Variants in CPA1 observed in about 807,000 individuals in gnomAD.
CPA1 encodes the protein carboxypeptidase A1 (pancreatic).
Under a neutral mutation model 48.7 loss-of-function variants are expected in CPA1, and 42 were observed. The observed-to-expected ratio is 0.86, with a 90% CI of 0.67 to 1.11. CPA1 has a LOEUF of 1.11. Among genes scored for constraint, CPA1 ranks in the 50% most tolerant of loss-of-function variants. The probability of loss-of-function intolerance (pLI) is 0.00; values close to 1 mark genes in which losing one functional copy is unlikely to be tolerated. For missense variants in CPA1, 477 were observed against 544.7 expected (o/e 0.88, Z 1.24); for synonymous variants, 203 against 217.9 (o/e 0.93, Z 0.60).
At chr7:130,381,247 C>A in intron 2 of CPA1, 68 bp downstream of exon 2, 6 of 1,164,686 alleles carry the variant, frequency 5.2e-6, no homozygotes, top group South Asian at 4.2e-5. Flanking sequence ...AGGTCCCCAG[C>A]GGCCAACTGT....
chr7:130,383,378 G>C lies in CPA1; in HGVS notation c.484-13G>C. On this transcript the variant is annotated splice_polypyrimidine_tract_variant and intron_variant, in intron 4 of 9. Coordinates refer to ENST00000011292, the MANE Select transcript of CPA1 (RefSeq NM_001868.4). ...TGAAATTGCCTCTGATCACTCCCCT[G>C]CCTCCTCTCCAGTTCAGCACGGGGG... 1 of 1,611,840 alleles carries C rather than the reference G, an allele frequency of 6.2e-7. No homozygotes were observed. The highest frequency in any genetic ancestry group is 8.5e-7 in the Non-Finnish European group (1 of 1,178,444).
rs1796406634 is a variant in CPA1, at chr7:130,381,690, C to T, written c.208C>T (p.Pro70Ser). ...CCCCATCGACGTCCGAGTGCCCTTC[C>T]CCAGCATCCAGGCGGTCAAGATCTT... ...GSPIDVRVPFPSIQAVKIFLE... is the reference protein window; with the variant it reads ...GSPIDVRVPFSSIQAVKIFLE... The change falls in exon 3 of 10, where the codon CCC becomes TCC. Residue 70 changes from proline (P) to serine (S), a missense_variant. By Grantham distance (74) the Pro-to-Ser change is moderately conservative (BLOSUM62 -1). Coordinates refer to ENST00000011292, the MANE Select transcript of CPA1 (RefSeq NM_001868.4). 4 of 1,613,992 alleles carry T rather than the reference C, an allele frequency of 2.5e-6. No homozygotes were observed. Among genetic ancestry groups the T allele is most frequent in the South Asian group, 2.2e-5 (2 of 91,082 alleles).
Position 130,381,611 on chromosome 7 carries a change from C to T in CPA1, c.148-19C>T, listed in dbSNP as rs374265355. 5 of 1,598,346 alleles carry T rather than the reference C, an allele frequency of 3.1e-6. No individual in the cohort carries two copies. The highest frequency in any genetic ancestry group is 2.2e-5 in the East Asian group (1 of 44,774). On this transcript the variant is annotated intron_variant, in intron 2 of 9. Transcript: ENST00000011292. ...TGCCCCCAGCCCGCTGTGACCGTGC[C>T]GGCTCTTGTCCTCCCCAGCTGGACT... is the stretch of plus-strand genomic sequence containing the variant.
intron 9 of CPA1, 45 bp downstream of exon 9, chr7:130,385,968 C>A: frequency 2.0e-6 from 3 of 1,513,198 alleles, no homozygotes; most frequent in Non-Finnish European, 2.8e-6. Context: ...CGAGGAACAT[C>A]TGCTGGCTCT....
rs782356623 is a variant in CPA1, at chr7:130,387,794, C to T, written c.1073-30C>T. Reference sequence around the variant, plus strand: ...TGTAAATATTCCCAAAGTGATTGACCCTTTCTCTCCTATTTTACTCCTGCC... The same window carrying T: ...TGTAAATATTCCCAAAGTGATTGACTCTTTCTCTCCTATTTTACTCCTGCC... On this transcript the variant is annotated intron_variant, in intron 9 of 9. Coordinates refer to ENST00000011292, the MANE Select transcript of CPA1 (RefSeq NM_001868.4). The surrounding 1 kb of genome is among the most constrained non-coding windows in gnomAD (Gnocchi z 4.6). The T allele has an allele frequency of 1.9e-6, 3 of 1,600,588 alleles. No individual in the cohort carries two copies. Among genetic ancestry groups the T allele is most frequent in the Non-Finnish European group, 1.7e-6 (2 of 1,169,332 alleles).
intron 9 of CPA1, 64 bp downstream of exon 9, chr7:130,385,987 G>A (rs1019164169): frequency 1.7e-5 from 24 of 1,426,910 alleles, no homozygotes; most frequent in African/African-American, 1.7e-4. Flanking sequence ...CTTCCTGACC[G>A]AGGGAGTATC....
rs12706927 is a variant in CPA1 at position 130,383,698 on chromosome 7, C to T, written c.600C>T (p.Tyr200=). 0.11 allele frequency: 175,191 copies of T among 1,612,562 alleles called. 10,167 individuals are homozygous for T. Among genetic ancestry groups the T allele is most frequent in the Middle Eastern group, 0.15 (935 of 6,054 alleles). The change falls in exon 6 of 10, where the codon TAC becomes TAT. Residue 200 remains tyrosine, a synonymous_variant. Transcript: ENST00000011292. ...TAACCCCCCAGATCACTCAAGACTA[C>T]GGGCAGGATGCAGCTTTCACCGCCA... ...VWFAKKITQD[Y]GQDAAFTAIL...
chr7:130,382,789 G>A (rs1462510017), intron 4 of CPA1, among the ~76,000 whole-genome samples: 3 of 151,774 alleles, frequency 2.0e-5, no homozygotes, highest in Admixed American at 6.6e-5. Flanking sequence ...GATTACAGGC[G>A]CCTGCCACCA....
chr7:130,386,207 T>C (rs1554412007), intron 9 of CPA1, among the ~76,000 whole-genome samples: 1 of 151,948 alleles, frequency 6.6e-6, no homozygotes, highest in African/African-American at 2.4e-5. Context: ...CTGCTGGGAT[T>C]TGCAGATCAC....
intron 4 of CPA1, 63 bp downstream of exon 4, chr7:130,382,272 C>A: frequency 7.9e-7 from 1 of 1,263,152 alleles, no homozygotes; most frequent in Non-Finnish European, 1.2e-6. Flanking sequence ...CCGTGATGGG[C>A]GTGGGCTCTC....
intron 9 of CPA1, among the ~76,000 whole-genome samples, chr7:130,386,843 T>A (rs782427555): frequency 6.6e-6 from 1 of 151,970 alleles, no homozygotes; most frequent in Non-Finnish European, 1.5e-5. Context: ...AAACTAAAAC[T>A]AGACCAGGTG....
In CPA1 at chr7:130,381,633, G is replaced by A. The variant is rs267601284; in HGVS notation, c.151G>A (p.Asp51Asn). The A allele has an allele frequency of 9.9e-6, 16 of 1,613,132 alleles. No homozygotes were observed. Among genetic ancestry groups the A allele is most frequent in the African/African-American group, 5.3e-5 (4 of 74,916 alleles). ...ELEDLEHLQL[D>N]FWRGPAHPGS... ...TGCCGGCTCTTGTCCTCCCCAGCTG[G>A]ACTTCTGGCGGGGGCCTGCCCACCC... Residue 51 changes from aspartate (D) to asparagine (N), a missense_variant, in exon 3 of 10, where the codon GAC (aspartate) becomes AAC (asparagine). Physicochemically the swap from Asp to Asn is conservative, Grantham distance 23. Transcript: ENST00000011292.
rs781830537 is a variant in CPA1, at chr7:130,383,805, TCTC to T, written c.696+14_696+16del. Reference sequence around the variant, plus strand: ...TTCACGCACAGCACGGTACCGGCCTTCTCCTGTCCTTGGGGGAAGCAGGATGGG... The same window carrying T: ...TTCACGCACAGCACGGTACCGGCCTTCTGTCCTTGGGGGAAGCAGGATGGG... On this transcript the variant is annotated intron_variant, in intron 6 of 9. Transcript: ENST00000011292. 7 of 1,588,446 alleles carry T rather than the reference TCTC, an allele frequency of 4.4e-6. No individual in the cohort carries two copies. Among genetic ancestry groups the T allele is most frequent in the South Asian group, 1.1e-5 (1 of 90,480 alleles).
rs537076438 is a variant in CPA1 at position 130,381,811 on chromosome 7, G to T, written c.329G>T (p.Arg110Leu). 6.2e-7 allele frequency: 1 copy of T among 1,614,094 alleles called. No homozygotes were observed. Reference sequence around the variant, plus strand: ...GAGCAGATGTTCGCCTTCCGGTCCCGGGCGCGCTCCACCGACACTTTTAAC... The same window carrying T: ...GAGCAGATGTTCGCCTTCCGGTCCCTGGCGCGCTCCACCGACACTTTTAAC... ...EQEQMFAFRS[R>L]ARSTDTFNYA... Residue 110 changes from arginine (R) to leucine (L), a missense_variant, in exon 3 of 10, where the codon CGG becomes CTG. Arg to Leu is a moderately radical substitution (Grantham distance 102, BLOSUM62 -2). Coordinates refer to ENST00000011292, the MANE Select transcript of CPA1 (RefSeq NM_001868.4).
chr7:130,383,311 G>C (rs1796429723), intron 4 of CPA1, 80 bp from the exon 5 acceptor site: 1 of 1,101,094 alleles, frequency 9.1e-7, no homozygotes, highest in Admixed American at 1.9e-5. Flanking sequence ...CTCTGGCCCA[G>C]GTCGGGGTCT....
intron 8 of CPA1, among the ~76,000 whole-genome samples, chr7:130,385,583 A>G (rs149639051): frequency 1.3e-5 from 2 of 152,248 alleles, no homozygotes; most frequent in African/African-American, 2.4e-5. Flanking sequence ...CTAGACTTCG[A>G]TCTTAGGCAC....
At chr7:130,381,951 C>G in intron 3 of CPA1, 88 bp downstream of exon 3, 1 of 1,312,722 alleles carries the variant, frequency 7.6e-7, no homozygotes. Flanking sequence ...CCAGGGCCAG[C>G]CTGGGTGTGC....
intron 6 of CPA1, chr7:130,384,056 C>G (rs1684938306): frequency 1.9e-6 from 1 of 527,412 alleles, no homozygotes; most frequent in African/African-American, 1.9e-5. Context: ...GCCCCCCTCT[C>G]CAGTGGTGAC....
chr7:130,384,683 C>T lies in CPA1; in HGVS notation c.787+57C>T, dbSNP rs1796450945. 4 of 1,411,768 alleles carry T rather than the reference C, an allele frequency of 2.8e-6. No homozygotes were observed. The South Asian group carries it at 4.6e-5, about 16-fold the overall frequency. The allele number at this position is 1,411,768 out of a possible 1,614,324, so 87.5% of individuals were successfully genotyped here. A position where few individuals can be genotyped will look rare whatever the true frequency, so the allele number is the denominator to read the frequency against. On this transcript the variant is annotated intron_variant, in intron 7 of 9. Transcript: ENST00000011292. ...GGGATGGCCTCGAATGGCTCCTCAC[C>T]ACTGCTCTTGCTCCCCGCCTCTCTC...
Sources: gnomAD v4.1 joint callset for allele counts (sites outside exome capture counted in the v4.1 genomes callset) on GRCh38, gnomAD v4.1.1 for gene constraint, Gnocchi (gnomAD v3.1) non-coding constraint, MANE v1.5 for transcripts, NCBI Gene and HGNC (gene_info 2026-07-23, HGNC 2026-07-21) for gene names.